The following CSMD2 variants were observed in gnomAD, a reference collection of about 807,000 sequenced individuals.
CSMD2 encodes CUB and Sushi multiple domains 2.
In CSMD2, 130 loss-of-function variants were observed where a neutral mutation model predicts 398.5. The observed-to-expected ratio is 0.33, with a 90% CI of 0.28 to 0.38. CSMD2 has a LOEUF of 0.38. CSMD2 is among the 10% of genes least tolerant of loss of function. The pLI, the probability that CSMD2 is intolerant of heterozygous loss-of-function variation, is 1.00. For synonymous variants in CSMD2, 1,828 were observed against 1,908.5 expected (o/e 0.96, Z 1.10); for missense variants, 3,829 against 4,764.9 (o/e 0.80, Z 5.78).
Position 33,759,184 on chromosome 1 carries a change from G to A in CSMD2, c.1846+13385C>T, listed in dbSNP as rs148020054. ...GATGAGATGGAGCCAGTCTTGTGAGGGACACTCCAACATGGTGAACTGTAA... is the reference window on the plus strand; with the variant it reads ...GATGAGATGGAGCCAGTCTTGTGAGAGACACTCCAACATGGTGAACTGTAA... On this transcript the variant is annotated intron_variant, in intron 13 of 70. Transcript: ENST00000373381. Among the ~76,000 whole-genome samples the A allele has an allele frequency of 4.4e-3, 663 of 152,178 alleles. 2 individuals carry two copies. Among genetic ancestry groups the A allele is most frequent in the Non-Finnish European group, 6.9e-3 (467 of 67,992 alleles).
At chr1:34,104,651 G>A (rs1190560845) in intron 1 of CSMD2, among the ~76,000 whole-genome samples, 1 of 152,196 alleles carries the variant, frequency 6.6e-6, no homozygotes, top group African/African-American at 2.4e-5. Flanking sequence ...CCCGCTGAAG[G>A]TGTCTCACCT....
At chr1:33,684,874 T>C (rs557220746) in intron 25 of CSMD2, among the ~76,000 whole-genome samples, 2 of 152,376 alleles carry the variant, frequency 1.3e-5, no homozygotes, top group East Asian at 1.9e-4. Flanking sequence ...ACTTCCACTA[T>C]AGCATTCATC....
At chr1:33,809,013 C>A (rs1016093031) in intron 10 of CSMD2, among the ~76,000 whole-genome samples, 1 of 151,024 alleles carries the variant, frequency 6.6e-6, no homozygotes, top group African/African-American at 2.4e-5. Flanking sequence ...AATTCTCTAG[C>A]CATTACATGT....
intron 28 of CSMD2, among the ~76,000 whole-genome samples, chr1:33,650,546 G>T (rs929132838): frequency 6.6e-6 from 1 of 152,040 alleles, no homozygotes; most frequent in Admixed American, 6.6e-5. Flanking sequence ...GGCTTAGGAT[G>T]GGGTGGGCTT....
At chr1:34,003,585 A>T (rs1646967830) in intron 3 of CSMD2, among the ~76,000 whole-genome samples, 1 of 152,186 alleles carries the variant, frequency 6.6e-6, no homozygotes, top group Non-Finnish European at 1.5e-5. Context: ...AGGAGGATGC[A>T]GTCTCTCTCT....
intron 3 of CSMD2, among the ~76,000 whole-genome samples, chr1:33,998,456 T>C (rs1401510548): frequency 6.6e-6 from 1 of 152,244 alleles, no homozygotes; most frequent in Non-Finnish European, 1.5e-5. Flanking sequence ...CAGTCTGTAG[T>C]AGGACCAGTT....
intron 15 of CSMD2, among the ~76,000 whole-genome samples, chr1:33,733,199 G>T (rs1231277643): frequency 6.6e-6 from 1 of 152,194 alleles, no homozygotes; most frequent in African/African-American, 2.4e-5. Context: ...TCTGACCAGA[G>T]TGCCTCTGGA....
At chr1:33,676,638 G>A (rs1212210265) in intron 25 of CSMD2, among the ~76,000 whole-genome samples, 1 of 152,138 alleles carries the variant, frequency 6.6e-6, no homozygotes, top group Non-Finnish European at 1.5e-5. Flanking sequence ...TCAAAAAAGA[G>A]CCCGCATCAC....
chr1:33,943,293 T>C (rs554020205), intron 3 of CSMD2, among the ~76,000 whole-genome samples: 5 of 152,350 alleles, frequency 3.3e-5, no homozygotes, highest in African/African-American at 1.2e-4. Context: ...GCTGACGTTT[T>C]TTCTGCCTTC....
intron 2 of CSMD2, among the ~76,000 whole-genome samples, chr1:34,054,989 A>G (rs1282704142): frequency 6.6e-6 from 1 of 152,188 alleles, no homozygotes; most frequent in Non-Finnish European, 1.5e-5. Context: ...GAAGAATAAT[A>G]TAATAAGCAC....
chr1:34,018,196 A>C (rs1648401781), intron 3 of CSMD2, among the ~76,000 whole-genome samples: 1 of 152,218 alleles, frequency 6.6e-6, no homozygotes, highest in African/African-American at 2.4e-5. Flanking sequence ...TAATATCATA[A>C]ACATCTTTCT....
Position 33,857,656 on chromosome 1 carries a change from C to T in CSMD2, c.921-10660G>A, listed in dbSNP as rs141760572. On this transcript the variant is annotated intron_variant, in intron 5 of 70. Coordinates refer to ENST00000373381, the MANE Select transcript of CSMD2 (RefSeq NM_001281956.2). The stretch of plus-strand genomic sequence containing the variant: ...GAGATGACAATCTCTCTCCGTGACT[C>T]TAATTAGAAAAAGCCCATCAGAGGC... Among the ~76,000 whole-genome samples the T allele has an allele frequency of 2.6e-3, 390 of 152,210 alleles. 4 individuals carry two copies. Among genetic ancestry groups the T allele is most frequent in the African/African-American group, 8.6e-3 (356 of 41,532 alleles).
intron 1 of CSMD2, among the ~76,000 whole-genome samples, chr1:34,160,652 T>G (rs1294738599): frequency 6.6e-6 from 1 of 152,252 alleles, no homozygotes; most frequent in Non-Finnish European, 1.5e-5. Context: ...GAACCTGAGC[T>G]GGATATGGGG....
At chr1:33,520,264 A>G (rs1012363229) in intron 68 of CSMD2, among the ~76,000 whole-genome samples, 1 of 152,248 alleles carries the variant, frequency 6.6e-6, no homozygotes, top group African/African-American at 2.4e-5. Context: ...AGAAGTCTCT[A>G]AAGTTCTTTT....
At chr1:33,610,984 G>T in intron 41 of CSMD2, 57 bp downstream of exon 41, 1 of 1,526,482 alleles carries the variant, frequency 6.6e-7, no homozygotes. Context: ...AAGGTGGGTG[G>T]CTGGGGCAAG....
At chr1:33,578,748 T>C (rs1024230083) in intron 48 of CSMD2, among the ~76,000 whole-genome samples, 1 of 152,074 alleles carries the variant, frequency 6.6e-6, no homozygotes, top group Non-Finnish European at 1.5e-5. Flanking sequence ...CCTGGTGGGG[T>C]CTTCCAGGCA....
At chr1:33,524,391 A>C (rs1654586005) in intron 66 of CSMD2, among the ~76,000 whole-genome samples, 1 of 152,244 alleles carries the variant, frequency 6.6e-6, no homozygotes, top group Admixed American at 6.5e-5. Context: ...ATCTTGACAC[A>C]AATCGCCAAA....
chr1:33,775,375 A>C (rs947343405), intron 12 of CSMD2, among the ~76,000 whole-genome samples: 1 of 152,208 alleles, frequency 6.6e-6, no homozygotes, highest in African/African-American at 2.4e-5. Flanking sequence ...TTTTTAAAAA[A>C]AATTTGCATT....
chr1:34,053,537 T>C (rs1653466336), intron 2 of CSMD2, among the ~76,000 whole-genome samples: 1 of 152,180 alleles, frequency 6.6e-6, no homozygotes, highest in African/African-American at 2.4e-5. Flanking sequence ...TACCCTAGAA[T>C]CCCTCTTTCT....
Sources: allele counts gnomAD v4.1 joint callset (sites outside exome capture counted in the v4.1 genomes callset), GRCh38; gene constraint gnomAD v4.1.1; transcripts MANE v1.5; gene names NCBI Gene and HGNC (gene_info 2026-07-23, HGNC 2026-07-21).